SPINK5: variants seen among roughly 807,000 people sequenced by gnomAD.
SPINK5 encodes the protein serine protease inhibitor Kazal-type 5.
SPINK5 carries 125 observed loss-of-function variants against 151.8 expected under a neutral mutation model. The observed-to-expected ratio is 0.82, with a 90% confidence interval of 0.71 to 0.96. The LOEUF (loss-of-function observed/expected upper bound fraction) is 0.96. Ranked by LOEUF, SPINK5 falls within the 40% of genes least tolerant of loss-of-function variation. The pLI is 0.00. For missense variants in SPINK5, 1,194 were observed against 1,291.9 expected (o/e 0.92, Z 1.16); for synonymous variants, 374 against 395.3 (o/e 0.95, Z 0.64).
chr5:148,079,943 C>T (rs988932747), intron 4 of SPINK5, among the ~76,000 whole-genome samples: 1 of 150,910 alleles, frequency 6.6e-6, no homozygotes. Flanking sequence ...TAATTAAAGA[C>T]ACTTTTTATT....
intron 4 of SPINK5, among the ~76,000 whole-genome samples, chr5:148,082,831 G>A (rs1461636004): frequency 6.7e-5 from 1 of 15,028 alleles, no homozygotes; most frequent in South Asian, 7.4e-3. Context: ...GGATGGTCTC[G>A]ATCTCCTGAC....
chr5:148,107,310 T>G lies in SPINK5; in HGVS notation c.1607+146T>G, dbSNP rs968052957. Reference sequence around the variant, plus strand: ...CAGATGGATAAGACATTAAGTAATATTGAATCATATAGTGACAATACTATT... The same window carrying G: ...CAGATGGATAAGACATTAAGTAATAGTGAATCATATAGTGACAATACTATT... On this transcript the variant is annotated intron_variant, in intron 17 of 32. Coordinates refer to ENST00000256084, the MANE Select transcript of SPINK5 (RefSeq NM_006846.4). The G allele has an allele frequency of 2.2e-5, 25 of 1,130,016 alleles. No individual in the cohort carries two copies. The Admixed American group carries it at 3.7e-4, about 17-fold the overall frequency. 70.0% of individuals were successfully genotyped at this position (1,130,016 alleles called of 1,614,324 possible). A position where few individuals can be genotyped will look rare whatever the true frequency, so the allele number is the denominator to read the frequency against.
At chr5:148,128,698 T>C (rs1162215138) in intron 30 of SPINK5, among the ~76,000 whole-genome samples, 2 of 152,114 alleles carry the variant, frequency 1.3e-5, no homozygotes, top group Non-Finnish European at 2.9e-5. Flanking sequence ...TAATTTTTTG[T>C]ATTTTTAGTA....
rs563457565 is a variant in SPINK5, at chr5:148,135,042, C to T, written c.3186+1155C>T. ...CAGCTGAAAGCAATGTAGAGGAAGC[C>T]GAGGACTGGAATGAAATCAGAAGAC... On this transcript the variant is annotated intron_variant, in intron 32 of 32. Coordinates refer to ENST00000256084, the MANE Select transcript of SPINK5 (RefSeq NM_006846.4). Among the ~76,000 whole-genome samples, 3 of 151,980 alleles carry T rather than the reference C, an allele frequency of 2.0e-5. No individual in the cohort carries two copies. The East Asian group carries it at 5.8e-4, about 29-fold the overall frequency.
chr5:148,124,551 A>G (rs921966810), intron 27 of SPINK5, among the ~76,000 whole-genome samples: 6 of 152,314 alleles, frequency 3.9e-5, no homozygotes, highest in African/African-American at 1.2e-4. Flanking sequence ...AACAGCATCT[A>G]TGAAAGTTGA....
chr5:148,125,054 T>A, intron 28 of SPINK5: 1 of 635,984 alleles, frequency 1.6e-6, no homozygotes, highest in Non-Finnish European at 2.4e-6. Context: ...AGAGTGTGTG[T>A]CTATTATTGT....
intron 30 of SPINK5, among the ~76,000 whole-genome samples, chr5:148,128,016 A>G (rs1302423615): frequency 2.0e-5 from 3 of 152,188 alleles, no homozygotes; most frequent in Non-Finnish European, 2.9e-5. Context: ...ATTGGGCCCT[A>G]AAAGGAAGAT....
chr5:148,102,538 A>T (rs943399697), intron 15 of SPINK5, among the ~76,000 whole-genome samples: 7 of 152,156 alleles, frequency 4.6e-5, no homozygotes, highest in African/African-American at 1.7e-4. Context: ...AATTTAAAAA[A>T]GTGAGGTGCA....
chr5:148,065,895 C>T (rs749523341), intron 2 of SPINK5, among the ~76,000 whole-genome samples: 1 of 151,922 alleles, frequency 6.6e-6, no homozygotes, highest in African/African-American at 2.4e-5. Context: ...AAATTCCTGC[C>T]CTGAAAATTA....
intron 28 of SPINK5, 94 bp downstream of exon 28, chr5:148,124,931 T>C (rs1434442012): frequency 9.0e-6 from 12 of 1,326,530 alleles, no homozygotes; most frequent in Middle Eastern, 2.4e-4. Flanking sequence ...AATATATTAA[T>C]ATCTTAACTT....
At chr5:148,090,999 G>A in intron 7 of SPINK5, 166 bp from the exon 8 acceptor site, 1 of 618,330 alleles carries the variant, frequency 1.6e-6, no homozygotes, top group Non-Finnish European at 2.8e-6. Context: ...CCTTATCTTT[G>A]GCAATTTCTC....
chr5:148,121,916 T>TA (rs1754276736), intron 26 of SPINK5, among the ~76,000 whole-genome samples: 1 of 151,938 alleles, frequency 6.6e-6, no homozygotes, highest in African/African-American at 2.4e-5. Context: ...AGCAGTGAGC[T>TA]ATGATAGCAT....
intron 4 of SPINK5, among the ~76,000 whole-genome samples, chr5:148,079,798 A>G (rs980087321): frequency 1.3e-5 from 2 of 151,222 alleles, no homozygotes; most frequent in South Asian, 2.1e-4. Flanking sequence ...AACTAACATT[A>G]TAATTAATGG....
chr5:148,124,710 A>G, intron 27 of SPINK5, 55 bp from the exon 28 acceptor site: 4 of 1,410,362 alleles, frequency 2.8e-6, no homozygotes, highest in African/African-American at 2.9e-5. Context: ...GTTAAAGACA[A>G]TTCAGTAACA....
chr5:148,114,302 A>C, intron 20 of SPINK5, 60 bp from the exon 21 acceptor site: 2 of 1,573,418 alleles, frequency 1.3e-6, no homozygotes, highest in Non-Finnish European at 1.7e-6. Context: ...ACTTAGTAGG[A>C]ACCCAGTAAA....
chr5:148,121,018 G>A (rs146895687), intron 26 of SPINK5, among the ~76,000 whole-genome samples: 1,563 of 151,408 alleles, frequency 0.01, 37 homozygotes, highest in African/African-American at 0.036. Context: ...GATGGCGGGC[G>A]CCTATAGTCC....
At chr5:148,131,123 A>AG in intron 30 of SPINK5, 136 bp from the exon 31 acceptor site, 3 of 1,226,272 alleles carry the variant, frequency 2.4e-6, no homozygotes, top group Non-Finnish European at 3.6e-6. Flanking sequence ...TCAATCTTTG[A>AG]GTTTGAATAA....
chr5:148,092,350 C>G (rs544082910), intron 8 of SPINK5, among the ~76,000 whole-genome samples: 1 of 152,034 alleles, frequency 6.6e-6, no homozygotes, highest in South Asian at 2.1e-4. Flanking sequence ...ACAGTTTATG[C>G]AACACTTGCC....
chr5:148,126,752 C>T (rs1055078611), intron 29 of SPINK5, among the ~76,000 whole-genome samples: 4 of 151,986 alleles, frequency 2.6e-5, no homozygotes, highest in Admixed American at 2.0e-4. Context: ...CCACCATGCC[C>T]AGCTAATTTT....
Sources: gnomAD v4.1 joint callset for allele counts (sites outside exome capture counted in the v4.1 genomes callset) on GRCh38, gnomAD v4.1.1 for gene constraint, MANE v1.5 for transcripts, NCBI Gene and HGNC (gene_info 2026-07-23, HGNC 2026-07-21) for gene names.